Variants in BRINP3 observed in about 807,000 individuals in gnomAD.
BRINP3 encodes BMP/retinoic acid inducible neural specific 3, also known as BMP/retinoic acid-inducible neural-specific protein 3.
Under a neutral mutation model 71.0 loss-of-function variants are expected in BRINP3, and 19 were observed. The ratio of observed to expected loss-of-function variants is 0.27; its 90% CI spans 0.19 to 0.39. BRINP3 has a LOEUF of 0.39. Ranked by LOEUF, BRINP3 falls within the 10% of genes least tolerant of loss-of-function variation. The probability of loss-of-function intolerance (pLI) is 1.00; values close to 1 mark genes in which losing one functional copy is unlikely to be tolerated. For synonymous variants in BRINP3, 380 were observed against 337.7 expected, an observed-to-expected ratio of 1.13 and a Z score of -1.37; for missense variants, 959 against 940.8, an observed-to-expected ratio of 1.02 and a Z score of -0.25.
intron 4 of BRINP3, among the ~76,000 whole-genome samples, chr1:190,239,888 CTG>C (rs10564568): frequency 0.01 from 1,593 of 151,906 alleles, 24 homozygotes; most frequent in African/African-American, 0.036. Flanking sequence ...AAATCTGACA[CTG>C]AAAGATTATG....
chr1:190,267,672 CT>C (rs1234992484), intron 3 of BRINP3, among the ~76,000 whole-genome samples: 2 of 152,072 alleles, frequency 1.3e-5, no homozygotes, highest in Non-Finnish European at 2.9e-5. Context: ...AGTTAACCTA[CT>C]TTTTTTCTTC....
intron 2 of BRINP3, among the ~76,000 whole-genome samples, chr1:190,371,368 G>A (rs1287771778): frequency 6.6e-6 from 1 of 152,128 alleles, no homozygotes; most frequent in Non-Finnish European, 1.5e-5. Flanking sequence ...GTGATAAAAG[G>A]TTCTAATTTT....
At position 190,391,099 on chromosome 1, in the gene BRINP3, G is replaced by A. The variant is rs1010216605; in HGVS notation, c.236+63556C>T. On this transcript the variant is annotated intron_variant, in intron 2 of 7. Transcript: ENST00000367462. ...ATGGGGAGAATTGGTCTGATTTGGA[G>A]CAGAAGGAGTTTCCTGATCCCTCCT... Among the ~76,000 whole-genome samples the A allele has an allele frequency of 2.0e-5, 3 of 151,894 alleles. No individual in the cohort carries two copies. The South Asian group carries it at 6.2e-4, about 32-fold the overall frequency.
At chr1:190,240,554 T>C (rs1257487957) in intron 4 of BRINP3, among the ~76,000 whole-genome samples, 2 of 151,956 alleles carry the variant, frequency 1.3e-5, no homozygotes, top group African/African-American at 4.8e-5. Context: ...TAGATAGATA[T>C]ATGAAGAATT....
intron 7 of BRINP3, among the ~76,000 whole-genome samples, chr1:190,111,192 A>AC (rs1369299197): frequency 2.0e-5 from 3 of 149,614 alleles, no homozygotes; most frequent in African/African-American, 7.5e-5. Flanking sequence ...TAAAAAAAAA[A>AC]AAAAAAAAAA....
chr1:190,184,422 A>G (rs1171105169), intron 6 of BRINP3, among the ~76,000 whole-genome samples: 1 of 152,164 alleles, frequency 6.6e-6, no homozygotes, highest in East Asian at 1.9e-4. Context: ...CCAAAAAGAC[A>G]CATGCACTCA....
intron 4 of BRINP3, among the ~76,000 whole-genome samples, chr1:190,259,408 T>G (rs990280669): frequency 6.6e-6 from 1 of 151,736 alleles, no homozygotes; most frequent in Admixed American, 6.6e-5. Context: ...TTAATAGACA[T>G]AAAATGCATT....
intron 6 of BRINP3, among the ~76,000 whole-genome samples, chr1:190,196,392 C>T (rs1186267641): frequency 6.6e-6 from 1 of 152,110 alleles, no homozygotes; most frequent in Non-Finnish European, 1.5e-5. Flanking sequence ...TTACTATCTT[C>T]CTGGACATTT....
At chr1:190,155,697 G>A (rs893069887) in intron 7 of BRINP3, among the ~76,000 whole-genome samples, 14 of 152,012 alleles carry the variant, frequency 9.2e-5, no homozygotes, top group Non-Finnish European at 1.9e-4. Flanking sequence ...AATTGTAGGG[G>A]CAGTTTCCCC....
At chr1:190,312,300 C>G (rs966986623) in intron 2 of BRINP3, among the ~76,000 whole-genome samples, 4 of 150,586 alleles carry the variant, frequency 2.7e-5, no homozygotes, top group African/African-American at 9.8e-5. Flanking sequence ...AGAGAATATG[C>G]ATGTATCTGA....
chr1:190,394,305 A>G, intron 2 of BRINP3, among the ~76,000 whole-genome samples: 1 of 151,602 alleles, frequency 6.6e-6, no homozygotes, highest in East Asian at 1.9e-4. Flanking sequence ...AGAACAAAAT[A>G]TAATTCCCTT....
At chr1:190,342,648 A>G (rs780671421) in intron 2 of BRINP3, 2 of 151,644 alleles carry the variant, frequency 1.3e-5, no homozygotes, top group Non-Finnish European at 2.9e-5. Flanking sequence ...GGCAGCATGT[A>G]GCCTATATAA....
At chr1:190,358,861 G>A (rs1668929040) in intron 2 of BRINP3, among the ~76,000 whole-genome samples, 1 of 152,082 alleles carries the variant, frequency 6.6e-6, no homozygotes, top group African/African-American at 2.4e-5. Context: ...GTCCTTTGCA[G>A]GGACATGGAT....
intron 6 of BRINP3, among the ~76,000 whole-genome samples, chr1:190,162,506 T>C (rs1194754684): frequency 6.6e-6 from 1 of 152,170 alleles, no homozygotes; most frequent in East Asian, 1.9e-4. Flanking sequence ...TTTGTTAAAT[T>C]CCCTCTTTTG....
At chr1:190,159,549 G>T (rs1205186676) in intron 7 of BRINP3, among the ~76,000 whole-genome samples, 1 of 152,030 alleles carries the variant, frequency 6.6e-6, no homozygotes, top group Non-Finnish European at 1.5e-5. Context: ...CCTGAAAGCA[G>T]TTTGCTAAGT....
intron 3 of BRINP3, among the ~76,000 whole-genome samples, chr1:190,268,234 T>C (rs1342457322): frequency 6.6e-6 from 1 of 152,136 alleles, no homozygotes; most frequent in Non-Finnish European, 1.5e-5. Flanking sequence ...TATGATTAAC[T>C]AAGAATTAAT....
intron 2 of BRINP3, among the ~76,000 whole-genome samples, chr1:190,415,467 C>CA (rs1035838566): frequency 4.0e-5 from 6 of 151,674 alleles, no homozygotes; most frequent in South Asian, 2.1e-4. Context: ...AAAATAAAAC[C>CA]AAAAAAGCCC....
intron 4 of BRINP3, among the ~76,000 whole-genome samples, chr1:190,241,337 G>A (rs1659071578): frequency 6.6e-6 from 1 of 152,002 alleles, no homozygotes; most frequent in Non-Finnish European, 1.5e-5. Context: ...TATGAAATGA[G>A]AGCTAGAACT....
At chr1:190,407,695 G>A (rs971153280) in intron 2 of BRINP3, among the ~76,000 whole-genome samples, 2 of 152,082 alleles carry the variant, frequency 1.3e-5, no homozygotes, top group Admixed American at 6.6e-5. Flanking sequence ...TGTATGTAAT[G>A]TTTTAAATTT....
Sources: gnomAD v4.1 joint callset for allele counts (sites outside exome capture counted in the v4.1 genomes callset) on GRCh38, gnomAD v4.1.1 for gene constraint, MANE v1.5 for transcripts, NCBI Gene and HGNC (gene_info 2026-07-23, HGNC 2026-07-21) for gene names.